The following TENM3 variants were observed in gnomAD, a reference collection of about 807,000 sequenced individuals.
TENM3 encodes the protein teneurin transmembrane protein 3.
A neutral mutation model predicts 255.1 loss-of-function variants in TENM3; 63 were observed. The ratio of observed to expected loss-of-function variants is 0.25; its 90% confidence interval spans 0.20 to 0.30. The LOEUF is 0.30. Ranked by LOEUF, TENM3 falls within the 10% of genes least tolerant of loss-of-function variation. The pLI is 1.00. For synonymous variants in TENM3, 1,306 were observed against 1,322.3 expected, an observed-to-expected ratio of 0.99 and a Z score of 0.27; for missense variants, 2,929 against 3,461.1, an observed-to-expected ratio of 0.85 and a Z score of 3.86.
At chr4:182,251,013 G>C (rs1579898277) in intron 1 of TENM3, among the ~76,000 whole-genome samples, 1 of 152,320 alleles carries the variant, frequency 6.6e-6, no homozygotes, top group South Asian at 2.1e-4. Flanking sequence ...TTTGCCCAGA[G>C]ACAAGAGCCT....
chr4:182,500,057 C>A (rs765938259), intron 3 of TENM3, among the ~76,000 whole-genome samples: 38 of 152,128 alleles, frequency 2.5e-4, no homozygotes, highest in Non-Finnish European at 4.9e-4. Context: ...ATATAACCAT[C>A]AAAATATTGC....
chr4:182,079,415 C>CTGAGGCCAGAGAATGGCG, the TENM3 span, among the ~76,000 whole-genome samples: 1 of 151,960 alleles, frequency 6.6e-6, no homozygotes, highest in Non-Finnish European at 1.5e-5. Context: ...ACTCAGGAGG[C>CTGAGGCCAGAGAATGGCG]TGAGGCCAGA....
the TENM3 span, among the ~76,000 whole-genome samples, chr4:181,732,838 A>T: frequency 9.1e-4 from 139 of 152,352 alleles, no homozygotes; most frequent in East Asian, 0.026. Flanking sequence ...CACATGGAGC[A>T]TTTTAAGAAC....
At chr4:181,915,016 T>G in the TENM3 span, among the ~76,000 whole-genome samples, 1 of 152,154 alleles carries the variant, frequency 6.6e-6, no homozygotes, top group Non-Finnish European at 1.5e-5. Context: ...GGAAGTCAAG[T>G]TTGAGCCCTG....
chr4:181,496,645 C>A, the TENM3 span, among the ~76,000 whole-genome samples: 1 of 152,170 alleles, frequency 6.6e-6, no homozygotes, highest in Non-Finnish European at 1.5e-5. Flanking sequence ...TCGTTAGCAT[C>A]GATTTACTAT....
At chr4:181,942,777 AT>A in the TENM3 span, among the ~76,000 whole-genome samples, 1 of 152,226 alleles carries the variant, frequency 6.6e-6, no homozygotes, top group Non-Finnish European at 1.5e-5. Context: ...ATGGAAAAAA[AT>A]ATTTTTAAAT....
chr4:182,371,690 G>A (rs983945601), intron 3 of TENM3, among the ~76,000 whole-genome samples: 8 of 152,204 alleles, frequency 5.3e-5, no homozygotes, highest in African/African-American at 1.7e-4. Flanking sequence ...GCAATCGCAC[G>A]GTCTTGTCTC....
chr4:182,668,661 T>C (rs1229415959), intron 6 of TENM3, among the ~76,000 whole-genome samples: 2 of 152,202 alleles, frequency 1.3e-5, no homozygotes, highest in Admixed American at 6.5e-5. Flanking sequence ...GATAAATAGA[T>C]ATACTTCGCG....
chr4:181,546,862 T>C, the TENM3 span, among the ~76,000 whole-genome samples: 1 of 152,094 alleles, frequency 6.6e-6, no homozygotes, highest in African/African-American at 2.4e-5. Flanking sequence ...TTTTTGTTTT[T>C]GTTTGTTGTG....
chr4:182,534,863 C>T (rs182121385), intron 3 of TENM3, among the ~76,000 whole-genome samples: 20 of 152,260 alleles, frequency 1.3e-4, no homozygotes, highest in South Asian at 4.1e-4. Flanking sequence ...AAAATGAGGA[C>T]GATCACTGAT....
At chr4:182,197,023 T>TC (rs1753870885) in intron 1 of TENM3, among the ~76,000 whole-genome samples, 1 of 152,224 alleles carries the variant, frequency 6.6e-6, no homozygotes, top group Non-Finnish European at 1.5e-5. Flanking sequence ...TTTCCCATCC[T>TC]CGGAGTTGCT....
intron 2 of TENM3, among the ~76,000 whole-genome samples, chr4:182,340,833 A>G (rs955688199): frequency 1.3e-5 from 2 of 152,240 alleles, no homozygotes; most frequent in African/African-American, 4.8e-5. Context: ...GAGTCACTCC[A>G]TGCCTGAGAA....
Position 182,199,380 on chromosome 4 carries a change from C to T in TENM3, c.-76+54626C>T, listed in dbSNP as rs953550002. Among the ~76,000 whole-genome samples the T allele has an allele frequency of 3.3e-5, 5 of 152,092 alleles. No homozygotes were observed. The East Asian group carries it at 9.7e-4, about 29-fold the overall frequency. ...GAGGTTGCAGTGAGCCAAGATCGCA[C>T]CACTGCACTCCAGCCTGGGCAACAG... On this transcript the variant is annotated intron_variant, in intron 1 of 2. Coordinates refer to the TENM3 transcript ENST00000512480.
the TENM3 span, among the ~76,000 whole-genome samples, chr4:181,793,226 T>C: frequency 2.6e-5 from 4 of 152,298 alleles, no homozygotes; most frequent in African/African-American, 7.2e-5. Context: ...AAGAGCTTAA[T>C]AGTCAAAGGC....
the TENM3 span, among the ~76,000 whole-genome samples, chr4:181,557,349 C>T: frequency 3.7e-4 from 56 of 152,162 alleles, no homozygotes; most frequent in East Asian, 1.5e-3. Flanking sequence ...TTTGCAGTTG[C>T]GTTATATATG....
chr4:182,581,838 A>G (rs910521413), intron 3 of TENM3, among the ~76,000 whole-genome samples: 4 of 152,186 alleles, frequency 2.6e-5, no homozygotes, highest in East Asian at 3.9e-4. Context: ...TATAAGGCCA[A>G]GAAGAAAAGG....
the TENM3 span, chr4:181,835,108 C>T: frequency 2.0e-5 from 3 of 152,150 alleles, no homozygotes; most frequent in Non-Finnish European, 2.9e-5. Flanking sequence ...CCCTCAAATT[C>T]TAAAATGTGT....
chr4:181,906,754 C>G, the TENM3 span, among the ~76,000 whole-genome samples: 104 of 152,280 alleles, frequency 6.8e-4, no homozygotes, highest in African/African-American at 2.4e-3. Context: ...GCTATGTTTC[C>G]CGGGCTGGAC....
At chr4:181,824,352 C>T in the TENM3 span, among the ~76,000 whole-genome samples, 8 of 151,968 alleles carry the variant, frequency 5.3e-5, no homozygotes, top group Admixed American at 2.0e-4. Context: ...CCACCTGCCT[C>T]GGCCTCCCAA....
Sources: allele counts gnomAD v4.1 joint callset (sites outside exome capture counted in the v4.1 genomes callset), GRCh38; gene constraint gnomAD v4.1.1; transcripts MANE v1.5; gene names NCBI Gene and HGNC (gene_info 2026-07-23, HGNC 2026-07-21).